PCDH15: variants seen among roughly 807,000 people sequenced by gnomAD.
PCDH15 encodes the protein protocadherin related 15, also known as protocadherin-15.
PCDH15 carries 129 observed loss-of-function variants against 178.5 expected under a neutral mutation model. That is an observed-to-expected ratio of 0.72 (90% CI 0.63 to 0.84). The LOEUF is 0.84. PCDH15 is among the 40% of genes least tolerant of loss of function. The probability of loss-of-function intolerance (pLI) is 0.00; values close to 1 mark genes in which losing one functional copy is unlikely to be tolerated. For synonymous variants in PCDH15, 800 were observed against 732.0 expected, an observed-to-expected ratio of 1.09 and a Z score of -1.50; for missense variants, 2,230 against 2,099.9, an observed-to-expected ratio of 1.06 and a Z score of -1.21.
intron 3 of PCDH15, among the ~76,000 whole-genome samples, chr10:54,822,551 T>C (rs908957578): frequency 6.6e-6 from 1 of 152,166 alleles, no homozygotes; most frequent in Non-Finnish European, 1.5e-5. Context: ...AAAACTTAGG[T>C]TGACTCCACA....
At chr10:54,699,356 A>T (rs1052320851) in intron 1 of PCDH15, among the ~76,000 whole-genome samples, 23 of 152,246 alleles carry the variant, frequency 1.5e-4, no homozygotes, top group African/African-American at 5.5e-4. Context: ...AATAAAAGTC[A>T]TCAAAATATT....
intron 1 of PCDH15, among the ~76,000 whole-genome samples, chr10:54,778,169 A>C (rs1401250047): frequency 1.3e-5 from 2 of 152,212 alleles, no homozygotes; most frequent in Admixed American, 1.3e-4. Flanking sequence ...GAATGTTGCT[A>C]ACACAAATGT....
intron 7 of PCDH15, among the ~76,000 whole-genome samples, chr10:54,325,863 C>T (rs1027006260): frequency 6.6e-6 from 1 of 151,924 alleles, no homozygotes; most frequent in African/African-American, 2.4e-5. Context: ...GAGCTGAGAT[C>T]GCACCACTGT....
chr10:55,526,452 C>G (rs1306519493), intron 2 of PCDH15, among the ~76,000 whole-genome samples: 5 of 151,978 alleles, frequency 3.3e-5, no homozygotes, highest in Non-Finnish European at 7.4e-5. Context: ...CAACTAGCCC[C>G]AGAATGTAAT....
At chr10:55,338,520 C>A (rs1844459961) in intron 2 of PCDH15, among the ~76,000 whole-genome samples, 1 of 152,204 alleles carries the variant, frequency 6.6e-6, no homozygotes, top group Non-Finnish European at 1.5e-5. Context: ...TGTATCCCAG[C>A]ACTCGGGGAG....
chr10:54,321,184 ATATTTATT>A (rs3069753), intron 7 of PCDH15, among the ~76,000 whole-genome samples: 40 of 146,022 alleles, frequency 2.7e-4, no homozygotes, highest in African/African-American at 9.2e-4. Context: ...TATTTATAAA[ATATTTATT>A]TATTTATTTA....
chr10:55,412,131 G>A (rs552979130), intron 2 of PCDH15, among the ~76,000 whole-genome samples: 64 of 152,054 alleles, frequency 4.2e-4, no homozygotes, highest in African/African-American at 1.5e-3. Context: ...AAACGGATGA[G>A]GGCTTTATGA....
chr10:54,161,806 T>C (rs2045740732), intron 13 of PCDH15, among the ~76,000 whole-genome samples: 1 of 152,122 alleles, frequency 6.6e-6, no homozygotes, highest in Non-Finnish European at 1.5e-5. Context: ...ATATTTGTTT[T>C]TGCACAAGTA....
chr10:55,059,660 A>C lies in PCDH15; in HGVS notation c.-80+106916T>G, dbSNP rs533909808. 5.9e-5 allele frequency among the ~76,000 whole-genome samples: 9 copies of C among 152,174 alleles called. No individual in the cohort carries two copies. The South Asian group carries it at 1.9e-3, about 32-fold the overall frequency. ...GCTGAATGCCTGTTTAGAGTTACAA[A>C]TTTTCTTGCTTATAATTCTGATATT... On this transcript the variant is annotated intron_variant, in intron 2 of 5. Coordinates refer to the PCDH15 transcript ENST00000458638.
chr10:54,902,836 G>A (rs566445055), intron 2 of PCDH15, among the ~76,000 whole-genome samples: 2 of 152,198 alleles, frequency 1.3e-5, no homozygotes, highest in Admixed American at 1.3e-4. Context: ...TGAGAGGGAG[G>A]GAAAGAGCAT....
chr10:55,492,874 T>C (rs1379201006), intron 2 of PCDH15, among the ~76,000 whole-genome samples: 1 of 151,632 alleles, frequency 6.6e-6, no homozygotes, highest in Non-Finnish European at 1.5e-5. Flanking sequence ...AGGAAAATTA[T>C]AAAAAAGAGC....
intron 3 of PCDH15, among the ~76,000 whole-genome samples, chr10:54,888,679 G>A (rs1316799514): frequency 2.0e-5 from 3 of 150,818 alleles, no homozygotes; most frequent in Non-Finnish European, 4.4e-5. Context: ...GATGTGTGGT[G>A]GTATATCATT....
intron 3 of PCDH15, among the ~76,000 whole-genome samples, chr10:54,812,418 G>A (rs568461130): frequency 2.0e-5 from 3 of 151,684 alleles, no homozygotes; most frequent in Admixed American, 1.3e-4. Context: ...TTACAAGTGC[G>A]TGCCACCACA....
chr10:54,389,411 T>C (rs1950274238), intron 3 of PCDH15, among the ~76,000 whole-genome samples: 1 of 152,212 alleles, frequency 6.6e-6, no homozygotes, highest in African/African-American at 2.4e-5. Context: ...GTTAGAATTA[T>C]AACTTATGAT....
intron 1 of PCDH15, among the ~76,000 whole-genome samples, chr10:54,697,667 G>GAAGGAAGGAAGGAAGGAAGGGGAAGA (rs58713016): frequency 1.3e-5 from 1 of 79,250 alleles, no homozygotes; most frequent in African/African-American, 5.1e-5. Context: ...GAAGGGGAAG[G>GAAGGAAGGAAGGAAGGAAGGGGAAGA]GGGAAGGGGA....
At chr10:54,083,561 G>A (rs2094468465) in intron 16 of PCDH15, among the ~76,000 whole-genome samples, 1 of 152,174 alleles carries the variant, frequency 6.6e-6, no homozygotes, top group Non-Finnish European at 1.5e-5. Context: ...CATTTCTGTA[G>A]AATATTCAAA....
intron 2 of PCDH15, among the ~76,000 whole-genome samples, chr10:55,515,337 C>G (rs1215524411): frequency 6.6e-6 from 1 of 151,912 alleles, no homozygotes; most frequent in Non-Finnish European, 1.5e-5. Context: ...TTTGAAAAGG[C>G]TACTAAATAC....
chr10:54,430,794 A>G (rs1392024042), intron 3 of PCDH15, among the ~76,000 whole-genome samples: 4 of 152,116 alleles, frequency 2.6e-5, no homozygotes. Context: ...TCCAATGAAG[A>G]AAACAATACA....
At chr10:54,175,056 A>G (rs77161638) in intron 13 of PCDH15, among the ~76,000 whole-genome samples, 40 of 152,286 alleles carry the variant, frequency 2.6e-4, no homozygotes, top group East Asian at 2.1e-3. Context: ...AAAATTGTGT[A>G]CTAATGTAAA....
Sources: gnomAD v4.1 joint callset for allele counts (sites outside exome capture counted in the v4.1 genomes callset) on GRCh38, gnomAD v4.1.1 for gene constraint, MANE v1.5 for transcripts, NCBI Gene and HGNC (gene_info 2026-07-23, HGNC 2026-07-21) for gene names.